Variants in CLVS1 observed in about 807,000 individuals in gnomAD.
CLVS1 encodes clavesin 1, also known as clavesin-1.
In CLVS1, 10 loss-of-function variants were observed where a neutral mutation model predicts 33.1. The ratio of observed to expected loss-of-function variants is 0.30; its 90% CI spans 0.19 to 0.51. CLVS1 has a LOEUF of 0.51. Among genes scored for constraint, CLVS1 ranks in the 20% least tolerant of loss-of-function variants. CLVS1 has a pLI of 0.97. For synonymous variants in CLVS1, 163 were observed against 166.1 expected (o/e 0.98, Z 0.14); for missense variants, 343 against 433.4 (o/e 0.79, Z 1.85).
chr8:61,064,922 C>T (rs1285605901), intron 1 of CLVS1, among the ~76,000 whole-genome samples: 4 of 152,298 alleles, frequency 2.6e-5, no homozygotes, highest in African/African-American at 7.2e-5. Context: ...AGGCTGGTCT[C>T]GAACTCCTGA....
In CLVS1 at chr8:61,500,748, T is replaced by TATTA. The variant is rs1563590761; in HGVS notation, c.*1207_*1210dup. The TATTA allele has an allele frequency of 6.6e-6, 1 of 152,236 alleles. No individual in the cohort carries two copies. The highest frequency in any genetic ancestry group is 1.5e-5 in the Non-Finnish European group (1 of 68,036). 9.4% of individuals were successfully genotyped at this position (152,236 alleles called of 1,614,324 possible). The stretch of plus-strand genomic sequence containing the variant: ...CAGCCATCTGCATGACATGGGTATT[T>TATTA]ATTAGTATTACCAGTTGGTGCTCAA... On this transcript the variant is annotated 3_prime_UTR_variant, in exon 6 of 6. Transcript: ENST00000325897.
chr8:61,420,286 GT>G (rs1000226599), intron 3 of CLVS1, among the ~76,000 whole-genome samples: 2 of 152,184 alleles, frequency 1.3e-5, no homozygotes, highest in Non-Finnish European at 2.9e-5. Flanking sequence ...CCCAGTAAAG[GT>G]TGAAAAACAA....
At chr8:61,246,658 C>G (rs566064557) in intron 2 of CLVS1, among the ~76,000 whole-genome samples, 2 of 152,064 alleles carry the variant, frequency 1.3e-5, no homozygotes. Context: ...AGAACAATGG[C>G]TCTTAGTGTC....
chr8:61,500,541 A>G lies in CLVS1; in HGVS notation c.*999A>G, dbSNP rs533453926. The G allele has an allele frequency of 7.2e-5, 11 of 152,338 alleles. No individual in the cohort carries two copies. The highest frequency in any genetic ancestry group is 2.6e-4 in the African/African-American group (11 of 41,580). The allele number at this position is 152,338 out of a possible 1,614,324, so 9.4% of individuals were successfully genotyped here. ...TATGCAAGTACTGAAGTAAGAGAAG[A>G]CTAGAAATGCAGGATGAAATGTCAA... is the stretch of plus-strand genomic sequence containing the variant. On this transcript the variant is annotated 3_prime_UTR_variant, in exon 6 of 6. Coordinates refer to ENST00000325897, the MANE Select transcript of CLVS1 (RefSeq NM_173519.3).
intron 2 of CLVS1, among the ~76,000 whole-genome samples, chr8:61,219,584 T>C (rs938790033): frequency 6.6e-6 from 1 of 152,220 alleles, no homozygotes; most frequent in Non-Finnish European, 1.5e-5. Context: ...GGCTTTGCTA[T>C]TTTAAATAGT....
chr8:61,230,618 T>C (rs1157414872), intron 2 of CLVS1, among the ~76,000 whole-genome samples: 2 of 152,222 alleles, frequency 1.3e-5, no homozygotes, highest in African/African-American at 4.8e-5. Context: ...ACCTTAATTG[T>C]GTACTTTATA....
At chr8:60,970,949 C>T in the CLVS1 span, among the ~76,000 whole-genome samples, 1 of 151,082 alleles carries the variant, frequency 6.6e-6, no homozygotes, top group Non-Finnish European at 1.5e-5. Context: ...CTTTGCTCCT[C>T]TTTCTAAAAC....
chr8:61,178,415 AAC>A (rs1240266036), intron 2 of CLVS1, among the ~76,000 whole-genome samples: 4 of 152,198 alleles, frequency 2.6e-5, no homozygotes, highest in African/African-American at 9.6e-5. Context: ...CAAGCTGGAA[AAC>A]ACACTTCAGG....
chr8:61,030,318 G>A, the CLVS1 span, among the ~76,000 whole-genome samples: 33 of 151,932 alleles, frequency 2.2e-4, no homozygotes, highest in Admixed American at 5.2e-4. Context: ...GTGGGGGGGC[G>A]CAAATCCTGA....
intron 1 of CLVS1, among the ~76,000 whole-genome samples, chr8:61,068,223 G>T: frequency 9.5e-6 from 1 of 105,178 alleles, no homozygotes; most frequent in African/African-American, 5.3e-5. Flanking sequence ...ATATATGTAT[G>T]TATGTGTATA....
chr8:61,316,159 T>C lies in CLVS1; in HGVS notation c.455+15877T>C, dbSNP rs574317652. The stretch of plus-strand genomic sequence containing the variant: ...CCCAGCAATCCCATTATTGGGTATA[T>C]ACCCAAAGGATTATAAATCATTCTA... On this transcript the variant is annotated intron_variant, in intron 2 of 5. Transcript: ENST00000325897. Among the ~76,000 whole-genome samples, 29 of 152,348 alleles carry C rather than the reference T, an allele frequency of 1.9e-4. No individual in the cohort carries two copies. The South Asian group carries it at 5.6e-3, about 29-fold the overall frequency.
At chr8:61,402,986 A>G (rs1367017084) in intron 3 of CLVS1, among the ~76,000 whole-genome samples, 1 of 152,222 alleles carries the variant, frequency 6.6e-6, no homozygotes, top group Non-Finnish European at 1.5e-5. Context: ...TAATGCTAAA[A>G]CATGATAAGT....
intron 3 of CLVS1, among the ~76,000 whole-genome samples, chr8:61,453,553 A>C (rs2129607005): frequency 6.6e-6 from 1 of 152,312 alleles, no homozygotes; most frequent in East Asian, 1.9e-4. Flanking sequence ...CCCAGGGTGC[A>C]CTGGAGCTAG....
the CLVS1 span, among the ~76,000 whole-genome samples, chr8:60,986,469 T>C: frequency 2.6e-5 from 4 of 152,228 alleles, no homozygotes; most frequent in South Asian, 6.2e-4. Context: ...CCGAATTCCA[T>C]ACTCTTTGAC....
chr8:60,977,899 C>T, the CLVS1 span, among the ~76,000 whole-genome samples: 1 of 152,152 alleles, frequency 6.6e-6, no homozygotes, highest in African/African-American at 2.4e-5. Flanking sequence ...AAAGAGAGAA[C>T]TTTGAAAGCA....
the CLVS1 span, chr8:60,967,496 C>T: frequency 2.8e-6 from 1 of 355,366 alleles, no homozygotes; most frequent in Non-Finnish European, 5.6e-6. Context: ...CCAAGGGGAC[C>T]ACGAGTGCAG....
the CLVS1 span, among the ~76,000 whole-genome samples, chr8:61,051,879 C>T: frequency 1.1e-4 from 17 of 152,390 alleles, no homozygotes; most frequent in East Asian, 2.9e-3. Context: ...ACGCTGGGCC[C>T]CATCCCACTC....
In CLVS1 at chr8:61,167,220, G is replaced by A. The variant is rs1232376244; in HGVS notation, c.-152+35360G>A. Among the ~76,000 whole-genome samples the A allele has an allele frequency of 3.6e-5, 5 of 138,942 alleles. 1 individual carries two copies. The South Asian group carries it at 1.1e-3, about 31-fold the overall frequency. 91.2% of individuals were successfully genotyped at this position (138,942 alleles called of 152,430 possible). On this transcript the variant is annotated intron_variant, in intron 2 of 2. Coordinates refer to the CLVS1 transcript ENST00000522621. ...TTTTTTTTTTTTTTTTTGAGACAGAGTTTCACTGTTGTTGCCCAGGCTGGA... is the reference window on the plus strand; with the variant it reads ...TTTTTTTTTTTTTTTTTGAGACAGAATTTCACTGTTGTTGCCCAGGCTGGA...
intron 2 of CLVS1, among the ~76,000 whole-genome samples, chr8:61,305,287 A>C (rs1038624734): frequency 1.3e-5 from 2 of 151,980 alleles, no homozygotes; most frequent in African/African-American, 4.8e-5. Flanking sequence ...GTTCAGTGGC[A>C]GTACCTACGT....
Sources: allele counts gnomAD v4.1 joint callset (sites outside exome capture counted in the v4.1 genomes callset), GRCh38; gene constraint gnomAD v4.1.1; transcripts MANE v1.5; gene names NCBI Gene and HGNC (gene_info 2026-07-23, HGNC 2026-07-21).